Variants in RYK observed in about 807,000 individuals in gnomAD.
RYK encodes inactive tyrosine-protein kinase RYK.
A neutral mutation model predicts 70.2 loss-of-function variants in RYK; 21 were observed. That is an observed-to-expected ratio of 0.30 (90% confidence interval 0.21 to 0.43). The LOEUF (loss-of-function observed/expected upper bound fraction) is 0.43, where lower values mean the gene tolerates loss of function less well. Ranked by LOEUF, RYK falls within the 20% of genes least tolerant of loss-of-function variation. The probability of loss-of-function intolerance (pLI) is 1.00; values close to 1 mark genes in which losing one functional copy is unlikely to be tolerated. For synonymous variants in RYK, 267 were observed against 278.0 expected, an observed-to-expected ratio of 0.96 and a Z score of 0.39; for missense variants, 604 against 753.3, an observed-to-expected ratio of 0.80 and a Z score of 2.32.
chr3:134,248,721 C>G (rs1222018235), intron 1 of RYK, among the ~76,000 whole-genome samples: 1 of 151,904 alleles, frequency 6.6e-6, no homozygotes, highest in Non-Finnish European at 1.5e-5. Flanking sequence ...TCACCTGAAC[C>G]CAGGAAGCAG....
intron 13 of RYK, among the ~76,000 whole-genome samples, chr3:134,171,470 T>C (rs1362559567): frequency 2.0e-5 from 3 of 152,252 alleles, no homozygotes; most frequent in Non-Finnish European, 4.4e-5. Context: ...ATTTTCACTC[T>C]GTAGGTCCTA....
chr3:134,194,785 T>C (rs2013761539), intron 7 of RYK, among the ~76,000 whole-genome samples: 1 of 152,178 alleles, frequency 6.6e-6, no homozygotes, highest in African/African-American at 2.4e-5. Flanking sequence ...ACCTGAAAAA[T>C]CTTCCTTTTG....
intron 2 of RYK, among the ~76,000 whole-genome samples, chr3:134,213,750 C>T (rs2014470249): frequency 6.6e-6 from 1 of 152,136 alleles, no homozygotes; most frequent in African/African-American, 2.4e-5. Context: ...ATCACTAGGT[C>T]CTTCCCAGAC....
rs957423646 is a variant in RYK at position 134,157,268 on chromosome 3, C to T, written c.*885G>A. The T allele has an allele frequency of 9.2e-5, 14 of 152,580 alleles. No homozygotes were observed. The highest frequency in any genetic ancestry group is 2.9e-5 in the Non-Finnish European group (2 of 68,044). 9.5% of individuals were successfully genotyped at this position (152,580 alleles called of 1,614,324 possible). On this transcript the variant is annotated 3_prime_UTR_variant, in exon 15 of 15. Coordinates refer to ENST00000623711, the MANE Select transcript of RYK (RefSeq NM_002958.4). The stretch of plus-strand genomic sequence containing the variant: ...AAAAAACGACAACAACTCAAGCACC[C>T]GCTCTGTGCATAGCACTATTCTAGG...
chr3:134,244,017 T>C (rs1487354786), intron 1 of RYK, among the ~76,000 whole-genome samples: 4 of 152,228 alleles, frequency 2.6e-5, no homozygotes, highest in Non-Finnish European at 5.9e-5. Context: ...TGATTTCAAC[T>C]AGTATTGACT....
chr3:134,233,674 T>C (rs2015124542), intron 1 of RYK, among the ~76,000 whole-genome samples: 2 of 152,170 alleles, frequency 1.3e-5, no homozygotes, highest in Admixed American at 1.3e-4. Context: ...AGTCATGATA[T>C]CCTCTCAACT....
At chr3:134,189,102 G>A (rs571368771) in intron 8 of RYK, among the ~76,000 whole-genome samples, 179 bp from the exon 9 acceptor site, 1 of 152,204 alleles carries the variant, frequency 6.6e-6, no homozygotes, top group South Asian at 2.1e-4. Flanking sequence ...AAAGTTTTTT[G>A]TGACTATTAC....
At chr3:134,226,080 T>A (rs1220063197) in intron 1 of RYK, among the ~76,000 whole-genome samples, 3 of 151,992 alleles carry the variant, frequency 2.0e-5, no homozygotes, top group African/African-American at 7.2e-5. Context: ...AGATATTAAC[T>A]ATAAGGATGA....
intron 5 of RYK, among the ~76,000 whole-genome samples, chr3:134,205,253 A>C (rs938659024): frequency 6.6e-6 from 1 of 152,188 alleles, no homozygotes; most frequent in Non-Finnish European, 1.5e-5. Flanking sequence ...ACAAGTTTGG[A>C]GTTCTGGGGA....
intron 1 of RYK, among the ~76,000 whole-genome samples, chr3:134,233,427 TATAA>T (rs2015116799): frequency 6.6e-6 from 1 of 152,218 alleles, no homozygotes. Context: ...TACAAAGTTT[TATAA>T]ATATTTATAC....
chr3:134,227,421 C>A (rs767313650), intron 1 of RYK, among the ~76,000 whole-genome samples: 2 of 151,588 alleles, frequency 1.3e-5, no homozygotes, highest in African/African-American at 4.9e-5. Context: ...ATAAATTAAT[C>A]GTGAAATTTA....
At chr3:134,224,117 A>G (rs574693697) in intron 1 of RYK, among the ~76,000 whole-genome samples, 111 of 152,274 alleles carry the variant, frequency 7.3e-4, no homozygotes, top group African/African-American at 2.5e-3. Flanking sequence ...GACAAAAGAC[A>G]AAGAAATAGA....
intron 6 of RYK, among the ~76,000 whole-genome samples, chr3:134,201,313 T>G (rs2014011221): frequency 6.6e-6 from 1 of 152,224 alleles, no homozygotes; most frequent in African/African-American, 2.4e-5. Flanking sequence ...CAAAGAGTAC[T>G]AAGGGGCAGG....
In RYK at chr3:134,250,584, G is replaced by T. The variant is rs1479746276; in HGVS notation, c.71C>A (p.Pro24Gln). 9.3e-7 allele frequency: 1 copy of T among 1,069,756 alleles called. No individual in the cohort carries two copies. The highest frequency in any genetic ancestry group is 1.2e-6 in the Non-Finnish European group (1 of 869,146). The allele number at this position is 1,069,756 out of a possible 1,614,324, so 66.3% of individuals were successfully genotyped here. ...CAGAAGCAGCAGCGGCGGCGGCGGC[G>T]GGGCCCTCAGGCCGCGGGCCCCCGG... The part of the protein sequence containing the change: ...CLPGARGLRA[P>Q]PPPPLLLLLA... Residue 24 changes from proline (P) to glutamine (Q), a missense_variant, in exon 1 of 15, where the codon CCG becomes CAG. Coordinates refer to ENST00000623711, the MANE Select transcript of RYK (RefSeq NM_002958.4).
chr3:134,217,504 AC>A (rs1242686305), intron 2 of RYK, among the ~76,000 whole-genome samples: 10 of 152,224 alleles, frequency 6.6e-5, no homozygotes, highest in African/African-American at 1.9e-4. Context: ...TAACCAAAGT[AC>A]AACTATATAA....
chr3:134,188,150 A>AATAT (rs56113636), intron 9 of RYK, among the ~76,000 whole-genome samples: 9 of 136,670 alleles, frequency 6.6e-5, no homozygotes, highest in Admixed American at 1.5e-4. Flanking sequence ...ACAATCTAAC[A>AATAT]ATATATATAT....
At chr3:134,175,507 C>T in intron 13 of RYK, 102 bp downstream of exon 13, 2 of 1,378,460 alleles carry the variant, frequency 1.5e-6, no homozygotes, top group Non-Finnish European at 2.0e-6. Context: ...CCGGGAACAG[C>T]TAGCAGATTT....
chr3:134,195,168 C>A lies in RYK; in HGVS notation c.803G>T (p.Ser268Ile). The change falls in exon 7 of 15, where the codon AGT becomes ATT. Residue 268 changes from serine (S) to isoleucine (I), a missense_variant. By Grantham distance (142) the Ser-to-Ile change is moderately radical. Around this residue, in one of 2 missense-constraint regions of RYK, gnomAD observed 466 missense variants for 535.9 expected, o/e 0.87. Coordinates refer to ENST00000623711, the MANE Select transcript of RYK (RefSeq NM_002958.4). The stretch of plus-strand genomic sequence containing the variant: ...TGGCTGAGACAGCCCTTGGGAACTA[C>A]TGCTGGCACTAATGCTGCAAACAAT... ...IELDDSISASSSSQGLSQPST... is the reference protein window; with the variant it reads ...IELDDSISASISSQGLSQPST... 1 of 1,611,524 alleles carries A rather than the reference C, an allele frequency of 6.2e-7. No individual in the cohort carries two copies. The highest frequency in any genetic ancestry group is 8.5e-7 in the Non-Finnish European group (1 of 1,178,608).
At chr3:134,165,272 T>C (rs1576500573) in intron 13 of RYK, among the ~76,000 whole-genome samples, 1 of 152,252 alleles carries the variant, frequency 6.6e-6, no homozygotes, top group African/African-American at 2.4e-5. Flanking sequence ...AGTAGCTTTT[T>C]TGTATATCAT....
Sources: allele counts gnomAD v4.1 joint callset (sites outside exome capture counted in the v4.1 genomes callset), GRCh38; gene constraint gnomAD v4.1.1; regional missense constraint gnomAD v4.1.1; transcripts MANE v1.5; gene names NCBI Gene and HGNC (gene_info 2026-07-23, HGNC 2026-07-21).